The following LAIR2 variants were observed in gnomAD, a reference collection of about 807,000 sequenced individuals.
LAIR2 encodes leukocyte-associated immunoglobulin-like receptor 2.
Under a neutral mutation model 14.8 loss-of-function variants are expected in LAIR2, and 14 were observed. That is an observed-to-expected ratio of 0.95 (90% confidence interval 0.62 to 1.48). The LOEUF is 1.48. LAIR2 is among the 40% of genes most tolerant of loss of function. The pLI is 0.00. For synonymous variants in LAIR2, 75 were observed against 74.5 expected, an observed-to-expected ratio of 1.01 and a Z score of -0.03; for missense variants, 172 against 180.9, an observed-to-expected ratio of 0.95 and a Z score of 0.28.
At position 54,510,541 on chromosome 19, in the gene LAIR2, C is replaced by G. The variant is rs562511626; in HGVS notation, c.431C>G (p.Thr144Ser). Residue 144 changes from threonine to serine, a missense_variant, in exon 5 of 5, where the codon ACT (threonine) becomes AGT (serine). Transcript: ENST00000301202. ...PGSSAGTVPG[T>S]EASGFDAP The stretch of plus-strand genomic sequence containing the variant: ...GTCCTCACAGGGACTGTGCCAGGCA[C>G]TGAAGCCTCCGGATTTGATGCACCA... 9.9e-6 allele frequency: 16 copies of G among 1,613,616 alleles called. No individual in the cohort carries two copies. The East Asian group carries it at 3.3e-4, about 34-fold the overall frequency.
intron 1 of LAIR2, 48 bp from the exon 2 acceptor site, chr19:54,503,652 A>G: frequency 1.9e-6 from 3 of 1,612,362 alleles, no homozygotes; most frequent in African/African-American, 1.3e-5. Context: ...GCAGCCCTGT[A>G]AGGAGACTGG....
chr19:54,508,949 A>G (rs2085418427), intron 3 of LAIR2, 86 bp from the exon 4 acceptor site: 1 of 456,904 alleles, frequency 2.2e-6, no homozygotes, highest in Non-Finnish European at 4.0e-6. Context: ...CGTGATGGTC[A>G]TGCGGCCTTT....
intron 1 of LAIR2, 35 bp from the exon 2 acceptor site, chr19:54,503,665 A>C: frequency 6.2e-7 from 1 of 1,613,916 alleles, no homozygotes; most frequent in Non-Finnish European, 8.5e-7. Flanking sequence ...GAGACTGGGC[A>C]GTGGGCATTT....
At position 54,509,821 on chromosome 19, in the gene LAIR2, C is replaced by T. The variant is rs557127837; in HGVS notation, c.416-705C>T. Among the ~76,000 whole-genome samples the T allele has an allele frequency of 1.7e-3, 261 of 151,832 alleles. 8 individuals carry two copies. Among genetic ancestry groups the T allele is most frequent in the Non-Finnish European group, 3.1e-3 (208 of 67,790 alleles). ...ATGGGAGTGAAGCTGCCCCAAGTCC[C>T]TGGGTCTCAAGTTGTCCATCTCCGC... On this transcript the variant is annotated intron_variant, in intron 4 of 4. Coordinates refer to ENST00000301202, the MANE Select transcript of LAIR2 (RefSeq NM_002288.6).
chr19:54,505,651 T>C (rs1211491343), intron 2 of LAIR2, among the ~76,000 whole-genome samples: 1 of 152,154 alleles, frequency 6.6e-6, no homozygotes, highest in Non-Finnish European at 1.5e-5. Context: ...CCTGTTTATC[T>C]TCAGATAGAA....
intron 2 of LAIR2, among the ~76,000 whole-genome samples, chr19:54,506,756 T>C (rs2085371310): frequency 6.6e-6 from 1 of 152,124 alleles, no homozygotes; most frequent in South Asian, 2.1e-4. Context: ...AACTGAGATA[T>C]GGTTAAAAGA....
intron 2 of LAIR2, among the ~76,000 whole-genome samples, chr19:54,504,737 G>C (rs1189001988): frequency 2.0e-5 from 3 of 152,114 alleles, no homozygotes; most frequent in Non-Finnish European, 4.4e-5. Context: ...AGCCTCTCGA[G>C]TAGCTGGGAT....
intron 2 of LAIR2, 44 bp downstream of exon 2, chr19:54,503,779 C>T (rs1238416235): frequency 6.2e-7 from 1 of 1,613,802 alleles, no homozygotes; most frequent in Non-Finnish European, 8.5e-7. Flanking sequence ...CCTCTGTCAC[C>T]CCAAAGGCAG....
chr19:54,506,433 T>G (rs1393600444), intron 2 of LAIR2, among the ~76,000 whole-genome samples: 1 of 142,268 alleles, frequency 7.0e-6, no homozygotes, highest in Non-Finnish European at 1.5e-5. Flanking sequence ...ATTTTCCCAC[T>G]TTGAGTGCCC....
intron 2 of LAIR2, among the ~76,000 whole-genome samples, chr19:54,506,231 C>CTACA (rs1003162728): frequency 3.3e-5 from 5 of 152,114 alleles, no homozygotes; most frequent in African/African-American, 1.2e-4. Context: ...CGAGGAATGG[C>CTACA]TACATCGAGC....
In LAIR2 at chr19:54,510,657, A is replaced by G; in HGVS notation, c.*88A>G. The G allele has an allele frequency of 6.9e-7, 1 of 1,446,004 alleles. No homozygotes were observed. 89.6% of individuals were successfully genotyped at this position (1,446,004 alleles called of 1,614,324 possible). Reference sequence around the variant, plus strand: ...TAGAAATGCACAGATGCCTATACATACATATACAAATAAAAAGATACGATT... The same window carrying G: ...TAGAAATGCACAGATGCCTATACATGCATATACAAATAAAAAGATACGATT... On this transcript the variant is annotated 3_prime_UTR_variant, in exon 5 of 5. Coordinates refer to ENST00000301202, the MANE Select transcript of LAIR2 (RefSeq NM_002288.6).
intron 2 of LAIR2, among the ~76,000 whole-genome samples, chr19:54,505,301 G>A (rs1165667679): frequency 6.6e-6 from 1 of 152,080 alleles, no homozygotes; most frequent in East Asian, 1.9e-4. Flanking sequence ...CAGTCACAAA[G>A]GGCAGACTCT....
chr19:54,504,060 G>A (rs112715176), intron 2 of LAIR2, among the ~76,000 whole-genome samples: 13 of 151,550 alleles, frequency 8.6e-5, no homozygotes, highest in East Asian at 1.9e-4. Context: ...AGTTTCAAGC[G>A]ATTCTCCTGC....
intron 3 of LAIR2, among the ~76,000 whole-genome samples, chr19:54,508,405 A>T (rs1015768403): frequency 6.6e-6 from 1 of 152,086 alleles, no homozygotes; most frequent in African/African-American, 2.4e-5. Context: ...GACGCCACAG[A>T]TGGCGTGGAC....
chr19:54,509,869 G>C (rs575744168), intron 4 of LAIR2, among the ~76,000 whole-genome samples: 3,716 of 148,480 alleles, frequency 0.025, 52 homozygotes, highest in African/African-American at 0.078. Flanking sequence ...ACCAGAAACT[G>C]CCAGGGGAGG....
intron 1 of LAIR2, among the ~76,000 whole-genome samples, chr19:54,503,317 G>T (rs1348793569): frequency 6.6e-6 from 1 of 152,070 alleles, no homozygotes; most frequent in African/African-American, 2.4e-5. Flanking sequence ...AATTAGCCGG[G>T]CATGGTGGCG....
At chr19:54,504,141 T>C (rs1416259590) in intron 2 of LAIR2, among the ~76,000 whole-genome samples, 1 of 147,788 alleles carries the variant, frequency 6.8e-6, no homozygotes, top group Non-Finnish European at 1.5e-5. Flanking sequence ...TTTTTTTGTA[T>C]TTTTAGAAGA....
Position 54,507,925 on chromosome 19 carries a change from A to G in LAIR2, c.105A>G (p.Pro35=), listed in dbSNP as rs2085393166. Residue 35 remains proline (P), a synonymous_variant, in exon 3 of 5, where the codon CCA becomes CCG. Transcript: ENST00000301202. ...ALPRPSISAE[P]GTVISPGSHV... ...CCAGACCCTCCATCTCGGCTGAGCC[A>G]GGCACTGTGATCTCCCCGGGGAGCC... 4 of 1,614,112 alleles carry G rather than the reference A, an allele frequency of 2.5e-6. No individual in the cohort carries two copies. The highest frequency in any genetic ancestry group is 2.5e-6 in the Non-Finnish European group (3 of 1,180,000).
chr19:54,508,328 T>G (rs1488472204), intron 3 of LAIR2, 144 bp downstream of exon 3: 5 of 731,842 alleles, frequency 6.8e-6, no homozygotes, highest in Non-Finnish European at 1.1e-5. Flanking sequence ...CCTCCCCTTC[T>G]TCCTCTGCAC....
Sources: allele counts gnomAD v4.1 joint callset (sites outside exome capture counted in the v4.1 genomes callset), GRCh38; gene constraint gnomAD v4.1.1; transcripts MANE v1.5; gene names NCBI Gene and HGNC (gene_info 2026-07-23, HGNC 2026-07-21).